Variants in IGFL2 observed in about 807,000 individuals in gnomAD.
IGFL2 encodes the protein insulin growth factor-like family member 2.
Under a neutral mutation model 13.9 loss-of-function variants are expected in IGFL2, and 7 were observed. The observed-to-expected ratio is 0.51, with a 90% CI of 0.29 to 0.95. IGFL2 has a LOEUF of 0.95. IGFL2 is among the 40% of genes least tolerant of loss of function. The pLI is 0.08. For synonymous variants in IGFL2, 55 were observed against 55.8 expected (o/e 0.99, Z 0.07); for missense variants, 138 against 147.8 (o/e 0.93, Z 0.34).
At chr19:46,176,194 A>G in the IGFL2 span, among the ~76,000 whole-genome samples, 1 of 150,504 alleles carries the variant, frequency 6.6e-6, no homozygotes, top group South Asian at 2.1e-4. Context: ...CAAAAAAAAA[A>G]AAAGAAAAGA....
chr19:46,119,853 T>C, the IGFL2 span, among the ~76,000 whole-genome samples: 1 of 150,810 alleles, frequency 6.6e-6, no homozygotes, highest in East Asian at 2.0e-4. Flanking sequence ...TAGGTGTGTT[T>C]TGGGCACTGG....
At chr19:46,206,047 A>C in the IGFL2 span, among the ~76,000 whole-genome samples, 2 of 152,184 alleles carry the variant, frequency 1.3e-5, no homozygotes, top group Non-Finnish European at 2.9e-5. Flanking sequence ...AAAATAGCTT[A>C]TCTGACCCTT....
intron 1 of IGFL2, among the ~76,000 whole-genome samples, chr19:46,153,512 C>T (rs901962428): frequency 6.6e-6 from 1 of 151,798 alleles, no homozygotes; most frequent in Non-Finnish European, 1.5e-5. Flanking sequence ...GATCTTTTGC[C>T]CCTTTTAAAA....
chr19:46,187,668 C>T, the IGFL2 span, among the ~76,000 whole-genome samples: 3 of 144,920 alleles, frequency 2.1e-5, no homozygotes, highest in Non-Finnish European at 4.5e-5. Context: ...AGCATTAACC[C>T]GTTTAAGCCT....
At chr19:46,134,910 A>G in the IGFL2 span, among the ~76,000 whole-genome samples, 1 of 152,156 alleles carries the variant, frequency 6.6e-6, no homozygotes, top group Admixed American at 6.5e-5. Flanking sequence ...CTCTGTCTCA[A>G]GGAGAGCCCT....
the IGFL2 span, among the ~76,000 whole-genome samples, chr19:46,085,373 T>C: frequency 6.6e-6 from 1 of 152,246 alleles, no homozygotes; most frequent in Non-Finnish European, 1.5e-5. Context: ...AATCTGACCC[T>C]CTATCATTAT....
the IGFL2 span, among the ~76,000 whole-genome samples, chr19:46,109,031 CAG>C: frequency 2.0e-5 from 3 of 152,314 alleles, no homozygotes; most frequent in South Asian, 4.1e-4. Context: ...AGGGTGAGGA[CAG>C]GGGACTGGTC....
chr19:46,098,130 G>T, the IGFL2 span, among the ~76,000 whole-genome samples: 1 of 152,204 alleles, frequency 6.6e-6, no homozygotes, highest in East Asian at 1.9e-4. Context: ...TATTGTGTGG[G>T]AGTCTAAGTC....
the IGFL2 span, among the ~76,000 whole-genome samples, chr19:46,098,887 A>G: frequency 6.6e-6 from 1 of 152,194 alleles, no homozygotes; most frequent in African/African-American, 2.4e-5. Flanking sequence ...GTTATTTTGC[A>G]GACTAGTTGA....
At chr19:46,141,982 T>C (rs1337446269), upstream of IGFL2, among the ~76,000 whole-genome samples, 4 of 152,254 alleles carry the variant, frequency 2.6e-5, no homozygotes, top group Admixed American at 6.5e-5. Flanking sequence ...AGATCAGTGC[T>C]GTTAGCAGAT....
At chr19:46,086,889 A>G in the IGFL2 span, among the ~76,000 whole-genome samples, 2 of 152,138 alleles carry the variant, frequency 1.3e-5, no homozygotes, top group Admixed American at 6.5e-5. Flanking sequence ...TATTTTGGCT[A>G]TAAACAGCAT....
At chr19:46,104,252 G>C in the IGFL2 span, among the ~76,000 whole-genome samples, 4 of 152,318 alleles carry the variant, frequency 2.6e-5, no homozygotes, top group East Asian at 7.7e-4. Context: ...GCATCTCGAG[G>C]ACAGGCTCTA....
downstream of IGFL2, chr19:46,161,408 GA>G (rs1974165989): frequency 4.2e-6 from 1 of 236,230 alleles, no homozygotes; most frequent in Non-Finnish European, 8.2e-6. Context: ...CAGTTCTGCT[GA>G]AACAAAAGGC....
At chr19:46,095,971 C>G in the IGFL2 span, among the ~76,000 whole-genome samples, 1 of 152,074 alleles carries the variant, frequency 6.6e-6, no homozygotes, top group South Asian at 2.1e-4. Flanking sequence ...TAGCTTTGTT[C>G]TTTTTGCTTA....
chr19:46,212,521 C>T, the IGFL2 span: 13,780 of 152,098 alleles, frequency 0.091, 861 homozygotes, highest in Non-Finnish European at 0.14. Context: ...TCTGTTTTTT[C>T]GTCCTGACCC....
At chr19:46,097,775 A>T in the IGFL2 span, among the ~76,000 whole-genome samples, 1 of 152,222 alleles carries the variant, frequency 6.6e-6, no homozygotes, top group African/African-American at 2.4e-5. Context: ...CCCAGGAGTC[A>T]TTCAGGAGAA....
chr19:46,092,528 A>G, the IGFL2 span, among the ~76,000 whole-genome samples: 1 of 151,988 alleles, frequency 6.6e-6, no homozygotes, highest in Admixed American at 6.6e-5. Flanking sequence ...GCTACTCAGG[A>G]GGCTAAGGTG....
the IGFL2 span, among the ~76,000 whole-genome samples, chr19:46,169,803 A>G: frequency 8.2e-4 from 122 of 148,992 alleles, 2 homozygotes; most frequent in Middle Eastern, 0.017. Context: ...AGCTGAGATC[A>G]TGCCATTGCA....
chr19:46,096,631 A>G, the IGFL2 span, among the ~76,000 whole-genome samples: 3 of 152,162 alleles, frequency 2.0e-5, no homozygotes, highest in South Asian at 2.1e-4. Context: ...AGGTTTGCCA[A>G]TTCAGTATGA....
Sources: allele counts gnomAD v4.1 joint callset (sites outside exome capture counted in the v4.1 genomes callset), GRCh38; gene constraint gnomAD v4.1.1; transcripts MANE v1.5; gene names NCBI Gene and HGNC (gene_info 2026-07-23, HGNC 2026-07-21).